SLC7A5: variants seen among roughly 807,000 people sequenced by gnomAD.
SLC7A5 encodes the protein large neutral amino acids transporter small subunit 1.
SLC7A5 carries 23 observed loss-of-function variants against 50.2 expected under a neutral mutation model. The observed-to-expected ratio is 0.46, with a 90% CI of 0.33 to 0.65. The LOEUF is 0.65. SLC7A5 is among the 30% of genes least tolerant of loss of function. SLC7A5 has a pLI of 0.02. For synonymous variants in SLC7A5, 393 were observed against 330.6 expected (o/e 1.19, Z -2.05); for missense variants, 578 against 684.4 (o/e 0.84, Z 1.73).
chr16:87,836,722 G>A (rs2143716329), intron 7 of SLC7A5, 75 bp from the exon 8 acceptor site: 1 of 1,541,418 alleles, frequency 6.5e-7, no homozygotes, highest in Non-Finnish European at 8.9e-7. Flanking sequence ...GGCCACCGGG[G>A]ACTGTCCAGC....
intron 2 of SLC7A5, among the ~76,000 whole-genome samples, chr16:87,845,350 C>A (rs2055138139): frequency 6.6e-6 from 1 of 152,184 alleles, no homozygotes; most frequent in Non-Finnish European, 1.5e-5. Context: ...GCCCTGTGGG[C>A]TCAGGGAAGT....
intron 2 of SLC7A5, among the ~76,000 whole-genome samples, chr16:87,850,023 G>A (rs2055199953): frequency 1.3e-5 from 2 of 152,206 alleles, no homozygotes; most frequent in African/African-American, 4.8e-5. Flanking sequence ...AGCTCGCCTC[G>A]CTGTGGTGAG....
At position 87,865,316 on chromosome 16, in the gene SLC7A5, G is replaced by C. The variant is rs543751069; in HGVS notation, c.538+3569C>G. Among the ~76,000 whole-genome samples, 5 of 152,296 alleles carry C rather than the reference G, an allele frequency of 3.3e-5. No homozygotes were observed. The East Asian group carries it at 7.7e-4, about 23-fold the overall frequency. On this transcript the variant is annotated intron_variant, in intron 1 of 9. Coordinates refer to ENST00000261622, the MANE Select transcript of SLC7A5 (RefSeq NM_003486.7). ...TGTGGCCCTAACTTTCGCTGAAAGG[G>C]ACCCTATTAACATTAACCCTCACCT...
Position 87,833,026 on chromosome 16 carries a change from C to T in SLC7A5, c.1469-1G>A. The T allele has an allele frequency of 1.9e-6, 3 of 1,613,714 alleles. No homozygotes were observed. Among genetic ancestry groups the T allele is most frequent in the Non-Finnish European group, 2.5e-6 (3 of 1,179,762 alleles). ...TTCTGACACAGGACGGTCGTGGAGA[C>T]TGTCAGGAGAGAAGACAGCTGTGTT... On this transcript the variant is annotated splice_acceptor_variant, in intron 9 of 9. Coordinates refer to ENST00000261622, the MANE Select transcript of SLC7A5 (RefSeq NM_003486.7). LOFTEE classifies it high-confidence loss of function. This position sits in a 1 kb window ranked among gnomAD's most constrained non-coding sequence, Gnocchi z 6.0.
Position 87,860,651 on chromosome 16 carries a change from T to G in SLC7A5, c.538+8234A>C, listed in dbSNP as rs981554457. On this transcript the variant is annotated intron_variant, in intron 1 of 9. Coordinates refer to ENST00000261622, the MANE Select transcript of SLC7A5 (RefSeq NM_003486.7). This position sits in a 1 kb window ranked among gnomAD's most constrained non-coding sequence, Gnocchi z 4.8. The stretch of plus-strand genomic sequence containing the variant: ...ACTCCGGATAAATCTCTTCAAACAT[T>G]TTACAGAGTCTGGCTTTCTCGTTAA... 1.3e-5 allele frequency among the ~76,000 whole-genome samples: 2 copies of G among 152,122 alleles called. No individual in the cohort carries two copies. Among genetic ancestry groups the G allele is most frequent in the African/African-American group, 4.8e-5 (2 of 41,412 alleles).
At position 87,852,504 on chromosome 16, in the gene SLC7A5, C is replaced by G. The variant is rs1250676893; in HGVS notation, c.539-655G>C. 6.6e-6 allele frequency among the ~76,000 whole-genome samples: 1 copy of G among 152,156 alleles called. No homozygotes were observed. The highest frequency in any genetic ancestry group is 1.5e-5 in the Non-Finnish European group (1 of 68,030). ...AAAATAGCACCGTGTGCTTCAGAAGCCTGAGTGACCCCACACAGATGGCCA... is the reference window on the plus strand; with the variant it reads ...AAAATAGCACCGTGTGCTTCAGAAGGCTGAGTGACCCCACACAGATGGCCA... On this transcript the variant is annotated intron_variant, in intron 1 of 9. Transcript: ENST00000261622. This position sits in a 1 kb window ranked among gnomAD's most constrained non-coding sequence, Gnocchi z 4.5.
At chr16:87,840,933 G>T (rs1057083884) in intron 3 of SLC7A5, 117 bp downstream of exon 3, 5 of 671,262 alleles carry the variant, frequency 7.4e-6, no homozygotes. Context: ...GGCAGTTAAA[G>T]GGAGGGGCAG....
intron 4 of SLC7A5, among the ~76,000 whole-genome samples, 165 bp downstream of exon 4, chr16:87,840,264 G>A (rs1182846258): frequency 5.9e-5 from 9 of 152,332 alleles, no homozygotes; most frequent in Admixed American, 3.9e-4. Flanking sequence ...AAGGACACAC[G>A]GCCAGAAGCC....
At chr16:87,864,661 G>C (rs1266516620) in intron 1 of SLC7A5, among the ~76,000 whole-genome samples, 11 of 152,244 alleles carry the variant, frequency 7.2e-5, no homozygotes, top group Admixed American at 7.2e-4. Context: ...TGCTCTGCCA[G>C]TCCAGCTGAG....
rs1248501796 is a variant in SLC7A5 at position 87,868,939 on chromosome 16, G to T, written c.484C>A (p.Pro162Thr). Residue 162 changes from proline to threonine, a missense_variant, in exon 1 of 10, where the codon CCC becomes ACC. This residue lies in a region of SLC7A5 where 465 missense variants were observed against 594.6 expected (regional missense o/e 0.78). Coordinates refer to ENST00000261622, the MANE Select transcript of SLC7A5 (RefSeq NM_003486.7). ...FATYLLKPLF[P>T]TCPVPEEAAK... ...GCCTCCTCGGGCACCGGGCAGGTGG[G>T]GAAGAGCGGCTTGAGCAGGTAGGTG... The T allele has an allele frequency of 1.2e-6, 2 of 1,610,584 alleles. No homozygotes were observed. Among genetic ancestry groups the T allele is most frequent in the Non-Finnish European group, 1.7e-6 (2 of 1,179,460 alleles).
rs1187535341 is a variant in SLC7A5, at chr16:87,832,681, AAT to A, written c.*287_*288del. 6 of 181,104 alleles carry A rather than the reference AAT, an allele frequency of 3.3e-5. No homozygotes were observed. The highest frequency in any genetic ancestry group is 1.4e-4 in the East Asian group (1 of 7,370). The allele number at this position is 181,104 out of a possible 1,614,324, so 11.2% of individuals were successfully genotyped here. ...TGACCCAAAATTTAAGTTTAAAAAA[AAT>A]ATATATATAAGTAAACAAAGGAGGG... On this transcript the variant is annotated 3_prime_UTR_variant, in exon 10 of 10. Transcript: ENST00000261622. The surrounding 1 kb of genome is among the most constrained non-coding windows in gnomAD (Gnocchi z 4.6).
rs548006518 is a variant in SLC7A5 at position 87,861,725 on chromosome 16, A to T, written c.538+7160T>A. The stretch of plus-strand genomic sequence containing the variant: ...CGGCTGATACACATTTCTGGGCAAG[A>T]TTCTGCACATTCTGCTGGATTATGA... On this transcript the variant is annotated intron_variant, in intron 1 of 9. Transcript: ENST00000261622. This position sits in a 1 kb window ranked among gnomAD's most constrained non-coding sequence, Gnocchi z 4.2. Among the ~76,000 whole-genome samples the T allele has an allele frequency of 6.6e-6, 1 of 152,282 alleles. No homozygotes were observed. The highest frequency in any genetic ancestry group is 2.4e-5 in the African/African-American group (1 of 41,564).
rs1409193774 is a variant in SLC7A5 at position 87,833,930 on chromosome 16, T to C, written c.1468+484A>G. Among the ~76,000 whole-genome samples, 10 of 151,642 alleles carry C rather than the reference T, an allele frequency of 6.6e-5. No individual in the cohort carries two copies. The East Asian group carries it at 1.9e-3, about 29-fold the overall frequency. On this transcript the variant is annotated intron_variant, in intron 9 of 9. Coordinates refer to ENST00000261622, the MANE Select transcript of SLC7A5 (RefSeq NM_003486.7). This position sits in a 1 kb window ranked among gnomAD's most constrained non-coding sequence, Gnocchi z 6.0. ...GTGCAATGGTGCGATCTCGGCTCAC[T>C]GCAACCTCCGTCTCCCGGGTTCAAG...
intron 8 of SLC7A5, among the ~76,000 whole-genome samples, chr16:87,836,151 C>T (rs1339190115): frequency 6.6e-6 from 1 of 152,242 alleles, no homozygotes; most frequent in Non-Finnish European, 1.5e-5. Context: ...AGCACAGCCC[C>T]GACGGCCCTT....
chr16:87,866,097 G>A (rs190261168), intron 1 of SLC7A5, among the ~76,000 whole-genome samples: 1 of 152,040 alleles, frequency 6.6e-6, no homozygotes, highest in African/African-American at 2.4e-5. Flanking sequence ...AGGGTTCTAT[G>A]GGGGGGCGGG....
rs61164920 is a variant in SLC7A5, at chr16:87,852,638, C to CTGTGTGTGTGTGTGTGTGTGTGTG, written c.539-813_539-790dup. On this transcript the variant is annotated intron_variant, in intron 1 of 9. Transcript: ENST00000261622. This position sits in a 1 kb window ranked among gnomAD's most constrained non-coding sequence, Gnocchi z 4.5. ...CTGTAAGGCACCCAGCTCTGAGCCT[C>CTGTGTGTGTGTGTGTGTGTGTGTG]TGTGTGTGTGTGTGTGTGTGTGTGT... Among the ~76,000 whole-genome samples, 1 of 116,796 alleles carries CTGTGTGTGTGTGTGTGTGTGTGTG rather than the reference C, an allele frequency of 8.6e-6. No individual in the cohort carries two copies. Among genetic ancestry groups the CTGTGTGTGTGTGTGTGTGTGTGTG allele is most frequent in the Non-Finnish European group, 1.8e-5 (1 of 56,440 alleles). The allele number at this position is 116,796 out of a possible 152,430, so 76.6% of individuals were successfully genotyped here.
chr16:87,843,660 G>A (rs541134488), intron 2 of SLC7A5, among the ~76,000 whole-genome samples: 20 of 152,096 alleles, frequency 1.3e-4, no homozygotes, highest in South Asian at 2.1e-4. Flanking sequence ...CATGACCAGC[G>A]GGCATTCTGC....
At position 87,831,010 on chromosome 16, in the gene SLC7A5, G is replaced by A. The variant is rs1329268513; in HGVS notation, c.*1960C>T. The A allele has an allele frequency of 6.6e-6, 1 of 152,278 alleles. No homozygotes were observed. The highest frequency in any genetic ancestry group is 2.4e-5 in the African/African-American group (1 of 41,458). 9.4% of individuals were successfully genotyped at this position (152,278 alleles called of 1,614,324 possible). ...CGTGCCTCCAGGGAGCACTTCTCCTGGACCCGGGGCCGTGGCTGCCTACGA... is the reference window on the plus strand; with the variant it reads ...CGTGCCTCCAGGGAGCACTTCTCCTAGACCCGGGGCCGTGGCTGCCTACGA... On this transcript the variant is annotated 3_prime_UTR_variant, in exon 10 of 10. Coordinates refer to ENST00000261622, the MANE Select transcript of SLC7A5 (RefSeq NM_003486.7).
chr16:87,851,734 C>T lies in SLC7A5; in HGVS notation c.654G>A (p.Gln218=), dbSNP rs200950526. The change falls in exon 2 of 10, where the codon CAG becomes CAA. Residue 218 remains glutamine, a synonymous_variant. Coordinates refer to ENST00000261622, the MANE Select transcript of SLC7A5 (RefSeq NM_003486.7). The stretch of plus-strand genomic sequence containing the variant: ...GGGGGACGTACTCACCCTTCCCGAT[C>T]TGGACGAAGCCCAGCAGGATGATCA... The part of the protein sequence containing the change: ...LALIILLGFV[Q]IGKGDVSNLD... 3 of 1,612,780 alleles carry T rather than the reference C, an allele frequency of 1.9e-6. No individual in the cohort carries two copies. In the Admixed American group the frequency reaches 5.0e-5, roughly 27 times the overall value.
Sources: gnomAD v4.1 joint callset for allele counts (sites outside exome capture counted in the v4.1 genomes callset) on GRCh38, gnomAD v4.1.1 for gene constraint, gnomAD v4.1.1 regional missense constraint, Gnocchi (gnomAD v3.1) non-coding constraint, MANE v1.5 for transcripts, NCBI Gene and HGNC (gene_info 2026-07-23, HGNC 2026-07-21) for gene names.